Variants in VPS51 observed in about 807,000 individuals in gnomAD.
The protein encoded by VPS51 is VPS51 subunit of GARP complex.
VPS51 carries 55 observed loss-of-function variants against 65.1 expected under a neutral mutation model. The observed-to-expected ratio is 0.84, with a 90% confidence interval of 0.68 to 1.06. VPS51 has a LOEUF of 1.06. Among genes scored for constraint, VPS51 ranks in the 50% least tolerant of loss-of-function variants. The probability of loss-of-function intolerance (pLI) is 0.00; values close to 1 mark genes in which losing one functional copy is unlikely to be tolerated. For synonymous variants in VPS51, 473 were observed against 489.5 expected, an observed-to-expected ratio of 0.97 and a Z score of 0.44; for missense variants, 943 against 1,101.6, an observed-to-expected ratio of 0.86 and a Z score of 2.04.
chr11:65,096,328 T>A lies in VPS51; in HGVS notation c.78T>A (p.Ala26=). The A allele has an allele frequency of 6.6e-7, 1 of 1,510,298 alleles. No individual in the cohort carries two copies. Among genetic ancestry groups the A allele is most frequent in the Non-Finnish European group, 8.8e-7 (1 of 1,135,022 alleles). The allele number at this position is 1,510,298 out of a possible 1,614,324, so 93.6% of individuals were successfully genotyped here. A position where few individuals can be genotyped will look rare whatever the true frequency, so the allele number is the denominator to read the frequency against. The change falls in exon 1 of 10, where the codon GCT becomes GCA. Residue 26 remains alanine (A), a synonymous_variant. Coordinates refer to ENST00000279281, the MANE Select transcript of VPS51 (RefSeq NM_013265.4). ...CCCCAGAAGGGCCCGAGGGGGAGGC[T>A]CCGGAGCGTCGGCGGAAGGCGCACG... ...GDSPEGPEGE[A]PERRRKAHGM... is the part of the protein sequence containing the mutation.
Position 65,107,379 on chromosome 11 carries a change from A to T in VPS51, c.359-202A>T. On this transcript the variant is annotated intron_variant, in intron 2 of 9. Transcript: ENST00000279281. The surrounding 1 kb of genome is among the most constrained non-coding windows in gnomAD (Gnocchi z 4.0). ...AGGGGGTTACGGGGAGTATGTGAGT[A>T]ACGCCTGCTTTGGGAACATAAACCC... is the stretch of plus-strand genomic sequence containing the variant. The T allele has an allele frequency of 1.5e-6, 1 of 657,888 alleles. No homozygotes were observed. Among genetic ancestry groups the T allele is most frequent in the Non-Finnish European group, 2.6e-6 (1 of 378,166 alleles). The allele number at this position is 657,888 out of a possible 1,614,324, so 40.8% of individuals were successfully genotyped here. A position where few individuals can be genotyped will look rare whatever the true frequency, so the allele number is the denominator to read the frequency against.
chr11:65,107,764 C>A lies in VPS51; in HGVS notation c.505+37C>A, dbSNP rs760644481. The A allele has an allele frequency of 2.5e-6, 4 of 1,604,712 alleles. No homozygotes were observed. The East Asian group carries it at 9.0e-5, about 36-fold the overall frequency. ...CGGGCAGGGCCTGCAGTGGGCCTTT[C>A]CTGGGGCTCTGGGGCTAACGTCACC... On this transcript the variant is annotated intron_variant, in intron 3 of 9. Transcript: ENST00000279281. This position sits in a 1 kb window ranked among gnomAD's most constrained non-coding sequence, Gnocchi z 4.0.
At chr11:65,110,856 A>G (rs1590814552) in intron 9 of VPS51, 75 bp downstream of exon 9, 1 of 1,569,264 alleles carries the variant, frequency 6.4e-7, no homozygotes, top group East Asian at 2.2e-5. Flanking sequence ...CACCTGCCCA[A>G]GGAGCCCCAG....
chr11:65,109,552 TG>T (rs1262260320), intron 6 of VPS51, 57 bp downstream of exon 6: 6 of 1,586,942 alleles, frequency 3.8e-6, no homozygotes, highest in Non-Finnish European at 5.1e-6. Context: ...TGCAGATGGC[TG>T]GACAGTGCCC....
chr11:65,111,774 C>T lies in VPS51; in HGVS notation c.*187C>T. ...GAAGCTGAGGCTTCTGAGGCGCCCG[C>T]GTCGGGTCCGCCCCCGAGCGCCGAT... On this transcript the variant is annotated 3_prime_UTR_variant, in exon 10 of 10. Transcript: ENST00000279281. The T allele has an allele frequency of 9.0e-7, 1 of 1,116,560 alleles. No individual in the cohort carries two copies. The highest frequency in any genetic ancestry group is 1.2e-6 in the Non-Finnish European group (1 of 808,878). The allele number at this position is 1,116,560 out of a possible 1,614,324, so 69.2% of individuals were successfully genotyped here.
chr11:65,106,562 T>C (rs530952036), intron 2 of VPS51, among the ~76,000 whole-genome samples: 103 of 152,138 alleles, frequency 6.8e-4, no homozygotes, highest in African/African-American at 2.1e-3. Flanking sequence ...CCATCCTGGC[T>C]AACATGGTGA....
At chr11:65,096,518 G>GGGGGTGGGGGC in intron 1 of VPS51, 40 bp downstream of exon 1, 1 of 499,412 alleles carries the variant, frequency 2.0e-6, no homozygotes, top group Non-Finnish European at 3.7e-6. Context: ...GGGGAGGGGG[G>GGGGGTGGGGGC]AAGGGAACCA....
chr11:65,111,413 G>A lies in VPS51; in HGVS notation c.2175G>A (p.Leu725=). The A allele has an allele frequency of 6.2e-7, 1 of 1,613,500 alleles. No homozygotes were observed. The highest frequency in any genetic ancestry group is 8.5e-7 in the Non-Finnish European group (1 of 1,180,040). The change falls in exon 10 of 10, where the codon CTG becomes CTA. Residue 725 remains leucine, a synonymous_variant. Transcript: ENST00000279281. Reference sequence around the variant, plus strand: ...TGCGCACCTTTGGGCGCTTCGGGCTGCAGCAGGTGCAAGTGGACTGCCACT... The same window carrying A: ...TGCGCACCTTTGGGCGCTTCGGGCTACAGCAGGTGCAAGTGGACTGCCACT... ...VRLRTFGRFG[L]QQVQVDCHFL...
Position 65,108,485 on chromosome 11 carries a change from G to C in VPS51, c.1014G>C (p.Ala338=), listed in dbSNP as rs1027847641. Residue 338 remains alanine, a synonymous_variant, in exon 5 of 10, where the codon GCG becomes GCC. Coordinates refer to ENST00000279281, the MANE Select transcript of VPS51 (RefSeq NM_013265.4). ...AQGPAGAEKL[A]AFARQLGSRY... Reference sequence around the variant, plus strand: ...GCCCAGCAGGTGCCGAGAAGCTGGCGGCCTTCGCCCGGCAGCTGGGCAGCC... The same window carrying C: ...GCCCAGCAGGTGCCGAGAAGCTGGCCGCCTTCGCCCGGCAGCTGGGCAGCC... 6.2e-7 allele frequency: 1 copy of C among 1,606,116 alleles called. No individual in the cohort carries two copies. Among genetic ancestry groups the C allele is most frequent in the Non-Finnish European group, 8.5e-7 (1 of 1,178,654 alleles).
At chr11:65,110,989 C>T in intron 9 of VPS51, 1 of 677,264 alleles carries the variant, frequency 1.5e-6, no homozygotes, top group Non-Finnish European at 2.5e-6. Context: ...TGGTGTATGC[C>T]CAGCCTGAGT....
chr11:65,096,553 G>T (rs528646156), intron 1 of VPS51, 75 bp downstream of exon 1: 2 of 1,283,410 alleles, frequency 1.6e-6, no homozygotes, highest in African/African-American at 1.5e-5. Context: ...TGCTCCCCCA[G>T]ATCATGCCTC....
In VPS51 at chr11:65,097,137, A is replaced by G. The variant is rs1273496482; in HGVS notation, c.358+10A>G. 1 of 1,613,690 alleles carries G rather than the reference A, an allele frequency of 6.2e-7. No homozygotes were observed. The highest frequency in any genetic ancestry group is 1.7e-5 in the Admixed American group (1 of 59,974). ...TTCATCTCAGCCACAGGTGATCCCCACGGGGACACACCCTCCAAAGTCTCA... is the reference window on the plus strand; with the variant it reads ...TTCATCTCAGCCACAGGTGATCCCCGCGGGGACACACCCTCCAAAGTCTCA... On this transcript the variant is annotated intron_variant, in intron 2 of 9. Transcript: ENST00000279281.
Position 65,111,397 on chromosome 11 carries a change from T to G in VPS51, c.2159T>G (p.Phe720Cys), listed in dbSNP as rs781041245. The part of the protein sequence containing the change: ...TLLECVRLRT[F>C]GRFGLQQVQV... ...CTGGAGTGTGTGCGGCTGCGCACCT[T>G]TGGGCGCTTCGGGCTGCAGCAGGTG... is the stretch of plus-strand genomic sequence containing the variant. The change falls in exon 10 of 10, where the codon TTT (phenylalanine) becomes TGT (cysteine). Residue 720 changes from phenylalanine to cysteine, a missense_variant. Around this residue, in one of 2 missense-constraint regions of VPS51, gnomAD observed 88 missense variants for 147.8 expected, o/e 0.60. Transcript: ENST00000279281. 2 of 1,613,070 alleles carry G rather than the reference T, an allele frequency of 1.2e-6. No homozygotes were observed. Among genetic ancestry groups the G allele is most frequent in the East Asian group, 4.5e-5 (2 of 44,888 alleles).
At chr11:65,104,908 C>T (rs1947831805) in intron 2 of VPS51, among the ~76,000 whole-genome samples, 1 of 152,150 alleles carries the variant, frequency 6.6e-6, no homozygotes, top group Admixed American at 6.6e-5. Context: ...ACCTTTCTTT[C>T]ACAACATTCT....
At chr11:65,105,253 T>G (rs1947834188) in intron 2 of VPS51, among the ~76,000 whole-genome samples, 1 of 151,950 alleles carries the variant, frequency 6.6e-6, no homozygotes, top group Non-Finnish European at 1.5e-5. Flanking sequence ...TAGCCAGGCA[T>G]GGTGGCACGT....
chr11:65,106,397 C>G (rs1335358590), intron 2 of VPS51, among the ~76,000 whole-genome samples: 1 of 152,204 alleles, frequency 6.6e-6, no homozygotes, highest in African/African-American at 2.4e-5. Context: ...AGCAAGGCAT[C>G]TTCTTCACAA....
At chr11:65,106,294 C>T (rs183941049) in intron 2 of VPS51, among the ~76,000 whole-genome samples, 3 of 152,238 alleles carry the variant, frequency 2.0e-5, no homozygotes, top group Admixed American at 2.0e-4. Flanking sequence ...GACTAGGTAA[C>T]TTATAAAGGA....
intron 2 of VPS51, among the ~76,000 whole-genome samples, chr11:65,097,406 G>A (rs2137178510): frequency 6.6e-6 from 1 of 152,304 alleles, no homozygotes; most frequent in African/African-American, 2.4e-5. Flanking sequence ...TGTCTCCCAG[G>A]CTGGAGGGCA....
At position 65,109,908 on chromosome 11, in the gene VPS51, C is replaced by T. The variant is rs756939246; in HGVS notation, c.1863C>T (p.Thr621=). Residue 621 remains threonine (T), a synonymous_variant, in exon 7 of 10, where the codon ACC becomes ACT. Coordinates refer to ENST00000279281, the MANE Select transcript of VPS51 (RefSeq NM_013265.4). ...AVMKRVVEDT[T]AIDVQVGLLY... The stretch of plus-strand genomic sequence containing the variant: ...TGAAGCGGGTGGTGGAGGATACCAC[C>T]GCCATCGACGTGCAGGTGCTGCCCA... 10 of 1,602,342 alleles carry T rather than the reference C, an allele frequency of 6.2e-6. No homozygotes were observed. The highest frequency in any genetic ancestry group is 2.2e-5 in the East Asian group (1 of 44,544).
Sources: allele counts gnomAD v4.1 joint callset (sites outside exome capture counted in the v4.1 genomes callset), GRCh38; gene constraint gnomAD v4.1.1; regional missense constraint gnomAD v4.1.1; non-coding constraint Gnocchi (gnomAD v3.1); transcripts MANE v1.5; gene names NCBI Gene and HGNC (gene_info 2026-07-23, HGNC 2026-07-21).